The following LARP1B variants were observed in gnomAD, a reference collection of about 807,000 sequenced individuals.
LARP1B encodes the protein la-related protein 1B.
Under a neutral mutation model 114.2 loss-of-function variants are expected in LARP1B, and 76 were observed. The observed-to-expected ratio is 0.67, with a 90% CI of 0.55 to 0.81. The LOEUF (loss-of-function observed/expected upper bound fraction) is 0.81, where lower values mean the gene tolerates loss of function less well. Ranked by LOEUF, LARP1B falls within the 30% of genes least tolerant of loss-of-function variation. The pLI, the probability that LARP1B is intolerant of heterozygous loss-of-function variation, is 0.00. For synonymous variants in LARP1B, 345 were observed against 348.0 expected (o/e 0.99, Z 0.10); for missense variants, 1,014 against 1,075.8 (o/e 0.94, Z 0.80).
In LARP1B at chr4:128,082,257, C is replaced by A. The variant is rs1770790671; in HGVS notation, c.310C>A (p.Pro104Thr). The change falls in exon 5 of 20, where the codon CCT becomes ACT. Residue 104 changes from proline to threonine, a missense_variant. Coordinates refer to ENST00000326639, the MANE Select transcript of LARP1B (RefSeq NM_018078.4). ...ATCCCGGAACAGCTCAAGATGTCAA[C>A]CTGAAGCAAATAAACCAACACATAA... ...PGSRNSSRCQ[P>T]EANKPTHNNR... The A allele has an allele frequency of 6.2e-7, 1 of 1,613,508 alleles. No individual in the cohort carries two copies. The highest frequency in any genetic ancestry group is 8.5e-7 in the Non-Finnish European group (1 of 1,179,812).
chr4:128,122,299 A>G, intron 11 of LARP1B, 111 bp downstream of exon 11: 3 of 1,518,110 alleles, frequency 2.0e-6, no homozygotes, highest in Non-Finnish European at 2.6e-6. Context: ...GAATATAAAT[A>G]CATTGTATTT....
At chr4:128,155,350 C>T (rs1248105595) in intron 11 of LARP1B, 6 of 542,232 alleles carry the variant, frequency 1.1e-5, no homozygotes, top group Non-Finnish European at 2.0e-5. Flanking sequence ...GAGTCGGAAG[C>T]CAGCGGCCGT....
chr4:128,079,089 TGTC>T (rs2149430820), intron 4 of LARP1B, among the ~76,000 whole-genome samples: 1 of 111,320 alleles, frequency 9.0e-6, no homozygotes, highest in East Asian at 2.3e-4. Flanking sequence ...TTGAATAGTT[TGTC>T]TTTTTTTTTT....
Position 128,200,560 on chromosome 4 carries a change from A to G in LARP1B, c.2204A>G (p.Asn735Ser). Residue 735 changes from asparagine to serine, a missense_variant, in exon 17 of 20, where the codon AAT (asparagine) becomes AGT (serine). By Grantham distance (46) the Asn-to-Ser change is conservative. Coordinates refer to ENST00000326639, the MANE Select transcript of LARP1B (RefSeq NM_018078.4). Reference protein sequence around the residue: ...RLGIGQSQEMNTLFRFWSFFL... With the variant: ...RLGIGQSQEMSTLFRFWSFFL... Reference sequence around the variant, plus strand: ...GGAATTGGTCAGTCCCAAGAAATGAATACCCTCTTTCGTTTCTGGTCCTTT... The same window carrying G: ...GGAATTGGTCAGTCCCAAGAAATGAGTACCCTCTTTCGTTTCTGGTCCTTT... The G allele has an allele frequency of 6.3e-7, 1 of 1,589,196 alleles. No homozygotes were observed. Among genetic ancestry groups the G allele is most frequent in the Non-Finnish European group, 8.6e-7 (1 of 1,168,982 alleles).
intron 8 of LARP1B, among the ~76,000 whole-genome samples, chr4:128,102,540 G>A (rs1780675064): frequency 6.6e-6 from 1 of 152,130 alleles, no homozygotes; most frequent in Non-Finnish European, 1.5e-5. Context: ...ACTCTCAAGA[G>A]AAGCAAAATA....
At chr4:128,195,524 G>A (rs146774777) in intron 15 of LARP1B, among the ~76,000 whole-genome samples, 1 of 152,184 alleles carries the variant, frequency 6.6e-6, no homozygotes, top group East Asian at 1.9e-4. Flanking sequence ...AATGTTCCAG[G>A]CACTGTGCTC....
chr4:128,127,883 TTAC>T (rs1470794781), intron 11 of LARP1B, among the ~76,000 whole-genome samples: 1 of 152,150 alleles, frequency 6.6e-6, no homozygotes, highest in Non-Finnish European at 1.5e-5. Context: ...ATTTCAAAAC[TTAC>T]TACAAAGCTG....
At chr4:128,157,610 GACTT>G (rs950439494) in intron 11 of LARP1B, among the ~76,000 whole-genome samples, 1 of 152,106 alleles carries the variant, frequency 6.6e-6, no homozygotes, top group African/African-American at 2.4e-5. Flanking sequence ...TTAATAGTAA[GACTT>G]ACAGCTAACT....
chr4:128,205,923 T>G (rs1757449261), intron 17 of LARP1B, among the ~76,000 whole-genome samples: 1 of 152,158 alleles, frequency 6.6e-6, no homozygotes, highest in African/African-American at 2.4e-5. Context: ...CAGTATACCT[T>G]CATGATGTGC....
At chr4:128,154,799 T>A (rs1421893784) in intron 11 of LARP1B, among the ~76,000 whole-genome samples, 1 of 152,026 alleles carries the variant, frequency 6.6e-6, no homozygotes, top group Middle Eastern at 3.2e-3. Flanking sequence ...TGAGACGGAG[T>A]TTTTTGCTCT....
chr4:128,185,936 CCTTT>C (rs1750187944), intron 15 of LARP1B, among the ~76,000 whole-genome samples: 1 of 152,070 alleles, frequency 6.6e-6, no homozygotes, highest in Non-Finnish European at 1.5e-5. Context: ...AAGTGACTGT[CCTTT>C]CTTCAATGTA....
intron 11 of LARP1B, among the ~76,000 whole-genome samples, chr4:128,124,277 AAAAC>A (rs951121232): frequency 1.3e-5 from 2 of 152,192 alleles, no homozygotes; most frequent in Admixed American, 1.3e-4. Flanking sequence ...CTAAAAGAAA[AAAAC>A]AGGATGCTAT....
chr4:128,209,797 A>T, intron 19 of LARP1B, 59 bp from the exon 20 acceptor site: 1 of 1,386,276 alleles, frequency 7.2e-7, no homozygotes, highest in Non-Finnish European at 1.0e-6. Context: ...CTAGCCTTAG[A>T]TTCTGAAGGG....
chr4:128,097,021 C>G (rs1199109196), intron 7 of LARP1B, among the ~76,000 whole-genome samples: 1 of 152,202 alleles, frequency 6.6e-6, no homozygotes, highest in African/African-American at 2.4e-5. Context: ...GCCTCAGCTT[C>G]CCGAGTAGCT....
chr4:128,080,028 C>T (rs1961274), intron 4 of LARP1B, among the ~76,000 whole-genome samples: 90,611 of 149,970 alleles, frequency 0.6, 28,219 homozygotes, highest in Middle Eastern at 0.8. Context: ...CTTGTTGCCA[C>T]GCTGGAGTGC....
intron 12 of LARP1B, among the ~76,000 whole-genome samples, chr4:128,165,010 A>G (rs11727305): frequency 0.41 from 62,235 of 151,960 alleles, 13,893 homozygotes; most frequent in African/African-American, 0.58. Flanking sequence ...GATGTATAAA[A>G]TAAGCTAGAA....
intron 11 of LARP1B, among the ~76,000 whole-genome samples, chr4:128,139,281 GT>G (rs1310359858): frequency 6.6e-6 from 1 of 152,112 alleles, no homozygotes; most frequent in Non-Finnish European, 1.5e-5. Flanking sequence ...ACATATATCA[GT>G]TTTTTTAAGA....
Position 128,073,256 on chromosome 4 carries a change from A to G in LARP1B, c.-77-1204A>G, listed in dbSNP as rs545298405. Among the ~76,000 whole-genome samples the G allele has an allele frequency of 5.9e-5, 9 of 151,736 alleles. No individual in the cohort carries two copies. In the South Asian group the frequency reaches 1.3e-3, roughly 21 times the overall value. On this transcript the variant is annotated intron_variant, in intron 1 of 19. Coordinates refer to ENST00000326639, the MANE Select transcript of LARP1B (RefSeq NM_018078.4). ...TGGTGAAACCCTGTCTCTCCTAAAA[A>G]TACAAAAAAATTAGCCAGGCATGGT...
Position 128,091,041 on chromosome 4 carries a change from C to A in LARP1B, c.399C>A (p.Asp133Glu). 6.2e-7 allele frequency: 1 copy of A among 1,613,272 alleles called. No individual in the cohort carries two copies. ...RDREKRDDQD[D>E]VSSVRSEGGN... ...GAGAAAAAAGGGATGATCAAGATGA[C>A]GTTTCCAGTGTGAGAAGTGAGGGTG... The change falls in exon 6 of 20, where the codon GAC becomes GAA. Residue 133 changes from aspartate (D) to glutamate (E), a missense_variant. By Grantham distance (45) the Asp-to-Glu change is conservative (BLOSUM62 2). Transcript: ENST00000326639.
Sources: gnomAD v4.1 joint callset for allele counts (sites outside exome capture counted in the v4.1 genomes callset) on GRCh38, gnomAD v4.1.1 for gene constraint, MANE v1.5 for transcripts, NCBI Gene and HGNC (gene_info 2026-07-23, HGNC 2026-07-21) for gene names.